LIX1L: variants seen among roughly 807,000 people sequenced by gnomAD.
LIX1L encodes the protein limb and CNS expressed 1 like.
LIX1L carries 20 observed loss-of-function variants against 34.0 expected under a neutral mutation model. The observed-to-expected ratio is 0.59, with a 90% CI of 0.41 to 0.85. The LOEUF (loss-of-function observed/expected upper bound fraction) is 0.85, where lower values mean the gene tolerates loss of function less well. Among genes scored for constraint, LIX1L ranks in the 40% least tolerant of loss-of-function variants. The pLI, the probability that LIX1L is intolerant of heterozygous loss-of-function variation, is 0.00. For missense variants in LIX1L, 397 were observed against 447.0 expected (o/e 0.89, Z 1.01); for synonymous variants, 170 against 187.4 (o/e 0.91, Z 0.76).
At chr1:145,944,690 A>T (rs1416469460) in intron 2 of LIX1L, 1 of 152,204 alleles carries the variant, frequency 6.6e-6, no homozygotes, top group African/African-American at 2.4e-5. Flanking sequence ...AGTATATCGG[A>T]CTATCAACAC....
intron 2 of LIX1L, among the ~76,000 whole-genome samples, chr1:145,943,851 C>T (rs1484954202): frequency 3.3e-5 from 5 of 150,150 alleles, no homozygotes; most frequent in Non-Finnish European, 5.9e-5. Flanking sequence ...ACCTGGGCAA[C>T]ATAGCAAGAC....
rs111555787 is a variant in LIX1L, at chr1:145,937,128, ATATTTATTTATTTATT to A, written c.694-159_694-144del. 128 of 195,264 alleles carry A rather than the reference ATATTTATTTATTTATT, an allele frequency of 6.6e-4. 3 individuals are homozygous for A. Among genetic ancestry groups the A allele is most frequent in the East Asian group, 1.8e-3 (17 of 9,672 alleles). 12.1% of individuals were successfully genotyped at this position (195,264 alleles called of 1,614,324 possible). A position where few individuals can be genotyped will look rare whatever the true frequency, so the allele number is the denominator to read the frequency against. On this transcript the variant is annotated intron_variant, in intron 4 of 5. Transcript: ENST00000604000. ...TCTGATAGGCCTTTGGGGAAGAAAA[ATATTTATTTATTTATT>A]TATTTATTTATTTATTTATTTATTT...
intron 2 of LIX1L, chr1:145,947,067 A>G (rs932951226): frequency 6.6e-6 from 1 of 152,562 alleles, no homozygotes; most frequent in Admixed American, 6.5e-5. Flanking sequence ...GACTTTAGAA[A>G]TAATCTAACC....
At chr1:145,940,592 C>A (rs1648874103) in intron 3 of LIX1L, among the ~76,000 whole-genome samples, 1 of 146,200 alleles carries the variant, frequency 6.8e-6, no homozygotes, top group Admixed American at 6.9e-5. Context: ...CGCTCTGTCA[C>A]CAGGCTGGAG....
chr1:145,949,056 C>T (rs1415420358), intron 1 of LIX1L: 2 of 152,200 alleles, frequency 1.3e-5, no homozygotes, highest in African/African-American at 4.8e-5. Context: ...CTCTAAATCT[C>T]AAAGTCTCTT....
At position 145,947,589 on chromosome 1, in the gene LIX1L, C is replaced by A. The variant is rs781977880; in HGVS notation, c.456+30G>T. On this transcript the variant is annotated intron_variant, in intron 2 of 5. Transcript: ENST00000604000. The stretch of plus-strand genomic sequence containing the variant: ...GCCGTTACTAACATCTAAGCATTTA[C>A]CTTTGCTACTGCCACCTCACAACTC... The A allele has an allele frequency of 1.9e-6, 3 of 1,611,274 alleles. No individual in the cohort carries two copies. In the South Asian group the frequency reaches 3.3e-5, roughly 18 times the overall value.
chr1:145,944,504 A>C (rs1649032808), intron 2 of LIX1L: 1 of 152,194 alleles, frequency 6.6e-6, no homozygotes, highest in Non-Finnish European at 1.5e-5. Flanking sequence ...CCAGTGCTTC[A>C]ATTTGTCTGT....
intron 2 of LIX1L, among the ~76,000 whole-genome samples, chr1:145,945,896 G>C (rs1490854467): frequency 6.8e-6 from 1 of 146,018 alleles, no homozygotes. Context: ...GACCATCCTG[G>C]CTAACATGGT....
At chr1:145,937,128 A>ATATTTATT (rs111555787) in intron 4 of LIX1L, 143 bp from the exon 5 acceptor site, 33 of 195,268 alleles carry the variant, frequency 1.7e-4, no homozygotes, top group Middle Eastern at 1.7e-3. Context: ...GGGAAGAAAA[A>ATATTTATT]TATTTATTTA....
At chr1:145,942,915 A>C (rs1648973838) in intron 2 of LIX1L, 62 bp from the exon 3 acceptor site, 1 of 1,514,822 alleles carries the variant, frequency 6.6e-7, no homozygotes, top group Non-Finnish European at 9.1e-7. Context: ...AGGAAGGAAC[A>C]GTGGGAGGGA....
At chr1:145,945,422 G>A (rs1649064017) in intron 2 of LIX1L, among the ~76,000 whole-genome samples, 1 of 151,732 alleles carries the variant, frequency 6.6e-6, no homozygotes, top group Admixed American at 6.6e-5. Flanking sequence ...AAATTTTCAA[G>A]TCATTCAACA....
At chr1:145,954,266 G>T (rs1280063148) in intron 1 of LIX1L, among the ~76,000 whole-genome samples, 1 of 152,022 alleles carries the variant, frequency 6.6e-6, no homozygotes, top group Non-Finnish European at 1.5e-5. Flanking sequence ...TACTGATTTT[G>T]GACTTCTGGC....
At position 145,948,731 on chromosome 1, in the gene LIX1L, A is replaced by G. The variant is rs977596113; in HGVS notation, c.293-949T>C. ...CTCTCATGCTCCTTCACATCTTGCT[A>G]GGTACACCAAGATTGCAAATCCCTG... On this transcript the variant is annotated intron_variant, in intron 1 of 5. Coordinates refer to ENST00000604000, the MANE Select transcript of LIX1L (RefSeq NM_153713.3). This position sits in a 1 kb window ranked among gnomAD's most constrained non-coding sequence, Gnocchi z 4.0. 8.5e-5 allele frequency: 13 copies of G among 152,228 alleles called. No homozygotes were observed. The highest frequency in any genetic ancestry group is 1.9e-4 in the Non-Finnish European group (13 of 68,048). The allele number at this position is 152,228 out of a possible 1,614,324, so 9.4% of individuals were successfully genotyped here.
chr1:145,944,195 A>G (rs587684322), intron 2 of LIX1L, among the ~76,000 whole-genome samples: 52 of 152,316 alleles, frequency 3.4e-4, no homozygotes, highest in African/African-American at 1.2e-3. Context: ...CAACTCTACA[A>G]AAAATTTAAA....
chr1:145,947,444 A>AGCTTG (rs1649153201), intron 2 of LIX1L, 175 bp downstream of exon 2: 1 of 635,398 alleles, frequency 1.6e-6, no homozygotes, highest in African/African-American at 1.8e-5. Flanking sequence ...AAAGCATGCT[A>AGCTTG]CTGAGGTTCT....
chr1:145,936,975 G>A lies in LIX1L; in HGVS notation c.704C>T (p.Thr235Ile), dbSNP rs781974562. ...ATTCCAGTGTAGCAGTTGAAAAACTGTCATTAGCTCCTGGGGGAAGAGGAT... is the reference window on the plus strand; with the variant it reads ...ATTCCAGTGTAGCAGTTGAAAAACTATCATTAGCTCCTGGGGGAAGAGGAT... ...KSMLEFQELM[T>I]VFQLLHWNGS... Residue 235 changes from threonine (T) to isoleucine (I), a missense_variant, in exon 5 of 6, where the codon ACA (threonine) becomes ATA (isoleucine). This residue lies in a region of LIX1L where 174 missense variants were observed against 204.0 expected (regional missense o/e 0.85). Transcript: ENST00000604000. 6.2e-7 allele frequency: 1 copy of A among 1,611,166 alleles called. No individual in the cohort carries two copies. Among genetic ancestry groups the A allele is most frequent in the Non-Finnish European group, 8.5e-7 (1 of 1,177,432 alleles).
At chr1:145,946,119 A>C (rs1309182246) in intron 2 of LIX1L, among the ~76,000 whole-genome samples, 1 of 151,594 alleles carries the variant, frequency 6.6e-6, no homozygotes, top group Non-Finnish European at 1.5e-5. Flanking sequence ...ACAAAAAAAC[A>C]AAAAAACAAA....
chr1:145,946,617 C>T (rs781889426), intron 2 of LIX1L, among the ~76,000 whole-genome samples: 6 of 152,212 alleles, frequency 3.9e-5, no homozygotes, highest in South Asian at 2.1e-4. Flanking sequence ...ATGCAACAGA[C>T]GTATTATTTG....
intron 1 of LIX1L, among the ~76,000 whole-genome samples, chr1:145,952,693 C>A (rs955460172): frequency 1.3e-4 from 19 of 151,968 alleles, no homozygotes; most frequent in African/African-American, 4.6e-4. Flanking sequence ...CTCACGGCAA[C>A]CTCCACCTCC....
Sources: allele counts gnomAD v4.1 joint callset (sites outside exome capture counted in the v4.1 genomes callset), GRCh38; gene constraint gnomAD v4.1.1; regional missense constraint gnomAD v4.1.1; non-coding constraint Gnocchi (gnomAD v3.1); transcripts MANE v1.5; gene names NCBI Gene and HGNC (gene_info 2026-07-23, HGNC 2026-07-21).